ATAD2B: variants seen among roughly 807,000 people sequenced by gnomAD.
The protein encoded by ATAD2B is ATPase family AAA domain-containing protein 2B.
A neutral mutation model predicts 167.6 loss-of-function variants in ATAD2B; 40 were observed. The observed-to-expected ratio is 0.24, with a 90% confidence interval of 0.19 to 0.31. The LOEUF (loss-of-function observed/expected upper bound fraction) is 0.31. Ranked by LOEUF, ATAD2B falls within the 10% of genes least tolerant of loss-of-function variation. ATAD2B has a pLI of 1.00. For missense variants in ATAD2B, 1,242 were observed against 1,757.2 expected (o/e 0.71, Z 5.24); for synonymous variants, 579 against 596.5 (o/e 0.97, Z 0.43).
intron 9 of ATAD2B, among the ~76,000 whole-genome samples, chr2:23,868,228 T>TC (rs749118920): frequency 6.6e-6 from 1 of 152,176 alleles, no homozygotes; most frequent in Non-Finnish European, 1.5e-5. Context: ...TACCTGATTA[T>TC]CCCATGTTAT....
chr2:23,735,662 A>C, the ATAD2B span, among the ~76,000 whole-genome samples: 50 of 152,298 alleles, frequency 3.3e-4, 1 homozygote, highest in East Asian at 9.3e-3. Context: ...GATTCTAAAC[A>C]ACCAGAATTC....
At chr2:23,868,920 T>C (rs986640256) in intron 9 of ATAD2B, among the ~76,000 whole-genome samples, 3 of 152,234 alleles carry the variant, frequency 2.0e-5, no homozygotes, top group East Asian at 1.9e-4. Context: ...AAAAATATAT[T>C]ATCAAAGTAG....
chr2:23,809,360 G>C (rs1685178759), intron 18 of ATAD2B, among the ~76,000 whole-genome samples: 1 of 152,122 alleles, frequency 6.6e-6, no homozygotes, highest in African/African-American at 2.4e-5. Context: ...TTCATATCCA[G>C]AGAACTGTGA....
intron 22 of ATAD2B, among the ~76,000 whole-genome samples, chr2:23,767,074 A>C (rs893286368): frequency 6.6e-6 from 1 of 152,172 alleles, no homozygotes; most frequent in Non-Finnish European, 1.5e-5. Context: ...CAGTATGTTC[A>C]ATTCTTTGCC....
intron 27 of ATAD2B, among the ~76,000 whole-genome samples, chr2:23,753,242 C>T (rs1675563718): frequency 6.6e-6 from 1 of 152,024 alleles, no homozygotes; most frequent in South Asian, 2.1e-4. Flanking sequence ...CATATATTGC[C>T]AAATAAGAAA....
intron 1 of ATAD2B, 53 bp downstream of exon 1, chr2:23,926,502 G>T: frequency 6.6e-7 from 1 of 1,520,350 alleles, no homozygotes; most frequent in African/African-American, 1.4e-5. Context: ...ACAAAGCCCC[G>T]GCAGCAGGGC....
chr2:23,866,362 G>A (rs574079037), intron 10 of ATAD2B, among the ~76,000 whole-genome samples: 47 of 152,190 alleles, frequency 3.1e-4, no homozygotes, highest in African/African-American at 9.9e-4. Flanking sequence ...CTGAGATTGC[G>A]CCATTGTACT....
chr2:23,920,239 G>A (rs1703712827), intron 1 of ATAD2B, among the ~76,000 whole-genome samples: 1 of 152,032 alleles, frequency 6.6e-6, no homozygotes, highest in African/African-American at 2.4e-5. Flanking sequence ...AATAGTCTCT[G>A]TCTTTAAACA....
chr2:23,728,599 G>A, the ATAD2B span, among the ~76,000 whole-genome samples: 1 of 152,186 alleles, frequency 6.6e-6, no homozygotes, highest in African/African-American at 2.4e-5. Context: ...AGTGGAAAGG[G>A]AGATTAAGCC....
chr2:23,866,312 G>A (rs1695117967), intron 10 of ATAD2B, among the ~76,000 whole-genome samples: 1 of 152,202 alleles, frequency 6.6e-6, no homozygotes, highest in Non-Finnish European at 1.5e-5. Flanking sequence ...GGCTGAGGCA[G>A]GAGAATCGCT....
At chr2:23,758,669 G>A (rs1461841476) in intron 24 of ATAD2B, among the ~76,000 whole-genome samples, 2 of 152,174 alleles carry the variant, frequency 1.3e-5, no homozygotes, top group Non-Finnish European at 2.9e-5. Flanking sequence ...GCCTTATGAA[G>A]GTTATTTGGA....
At chr2:23,706,744 C>T in the ATAD2B span, 3 of 1,039,974 alleles carry the variant, frequency 2.9e-6, no homozygotes, top group East Asian at 2.9e-5. Context: ...TCCAGCGACA[C>T]CAACAAGAGG....
chr2:23,687,573 G>T, the ATAD2B span, among the ~76,000 whole-genome samples: 1 of 152,216 alleles, frequency 6.6e-6, no homozygotes, highest in South Asian at 2.1e-4. Context: ...AGTCTGGTGG[G>T]GACACGCTGC....
At chr2:23,793,774 C>T (rs1293133711) in intron 19 of ATAD2B, among the ~76,000 whole-genome samples, 1 of 152,042 alleles carries the variant, frequency 6.6e-6, no homozygotes, top group Non-Finnish European at 1.5e-5. Context: ...GCCAGTAACA[C>T]CTGAAAGTGC....
At chr2:23,732,925 C>T in the ATAD2B span, among the ~76,000 whole-genome samples, 1 of 152,182 alleles carries the variant, frequency 6.6e-6, no homozygotes, top group African/African-American at 2.4e-5. Context: ...GCTGTCTCAT[C>T]TTCAGCAAGT....
the ATAD2B span, among the ~76,000 whole-genome samples, chr2:23,730,621 A>C: frequency 1.5e-5 from 2 of 130,980 alleles, no homozygotes; most frequent in African/African-American, 5.6e-5. Context: ...AGCCGAGATC[A>C]CACCACTGCA....
intron 1 of ATAD2B, among the ~76,000 whole-genome samples, chr2:23,906,335 C>T (rs925075563): frequency 4.0e-5 from 6 of 150,792 alleles, no homozygotes; most frequent in South Asian, 2.1e-4. Flanking sequence ...AGGAAGACTC[C>T]GTCTCAAAAA....
chr2:23,836,408 G>A (rs998154880), intron 13 of ATAD2B, among the ~76,000 whole-genome samples: 33 of 152,134 alleles, frequency 2.2e-4, no homozygotes, highest in African/African-American at 7.7e-4. Flanking sequence ...CCAGGTCTGG[G>A]CTCCCTGAAG....
chr2:23,917,950 C>T (rs1285661237), intron 1 of ATAD2B, among the ~76,000 whole-genome samples: 1 of 151,576 alleles, frequency 6.6e-6, no homozygotes, highest in African/African-American at 2.4e-5. Flanking sequence ...CGCAGCTACT[C>T]GGGAGGCTGA....
Sources: allele counts gnomAD v4.1 joint callset (sites outside exome capture counted in the v4.1 genomes callset), GRCh38; gene constraint gnomAD v4.1.1; transcripts MANE v1.5; gene names NCBI Gene and HGNC (gene_info 2026-07-23, HGNC 2026-07-21).